NLK: variants seen among roughly 807,000 people sequenced by gnomAD.
The protein encoded by NLK is serine/threonine-protein kinase NLK.
A neutral mutation model predicts 59.0 loss-of-function variants in NLK; 11 were observed. The ratio of observed to expected loss-of-function variants is 0.19; its 90% confidence interval spans 0.12 to 0.31. The LOEUF is 0.31. NLK is among the 10% of genes least tolerant of loss of function. The pLI is 1.00. For synonymous variants in NLK, 235 were observed against 235.9 expected (o/e 1.00, Z 0.03); for missense variants, 410 against 661.1 (o/e 0.62, Z 4.16).
chr17:28,061,871 T>TAC (rs1909661760), intron 1 of NLK: 3 of 144,666 alleles, frequency 2.1e-5, no homozygotes, highest in South Asian at 4.2e-4. Context: ...TACATATACA[T>TAC]ATATATAATA....
chr17:28,199,707 A>G (rs1909580708), downstream of NLK, among the ~76,000 whole-genome samples: 4 of 103,168 alleles, frequency 3.9e-5, no homozygotes, highest in Admixed American at 3.9e-4. Flanking sequence ...AAAAAAAAAA[A>G]CAACTAGATA....
intron 7 of NLK, among the ~76,000 whole-genome samples, chr17:28,181,605 C>T (rs995059865): frequency 6.6e-6 from 1 of 151,440 alleles, no homozygotes; most frequent in Non-Finnish European, 1.5e-5. Flanking sequence ...AAATACTTCT[C>T]TTTTTATTAC....
intron 1 of NLK, among the ~76,000 whole-genome samples, chr17:28,118,528 G>A (rs756617642): frequency 6.6e-6 from 1 of 152,130 alleles, no homozygotes; most frequent in Non-Finnish European, 1.5e-5. Flanking sequence ...CATTTTAGTG[G>A]CTGAGAAAGT....
intron 3 of NLK, among the ~76,000 whole-genome samples, chr17:28,137,513 A>ATT (rs1464476673): frequency 4.6e-5 from 7 of 152,172 alleles, no homozygotes; most frequent in Admixed American, 3.3e-4. Context: ...ATAGACAAAC[A>ATT]TTTTAAACCA....
intron 1 of NLK, among the ~76,000 whole-genome samples, chr17:28,113,489 C>T (rs1369092165): frequency 6.6e-6 from 1 of 152,162 alleles, no homozygotes; most frequent in Non-Finnish European, 1.5e-5. Context: ...TTATTTATGC[C>T]TCCTCTTTTT....
At chr17:28,079,882 A>G (rs538963950) in intron 1 of NLK, among the ~76,000 whole-genome samples, 43 of 152,310 alleles carry the variant, frequency 2.8e-4, no homozygotes, top group South Asian at 6.2e-4. Flanking sequence ...TCCAAGAAAT[A>G]ATTGCCAAAT....
chr17:28,062,684 G>A (rs1017398308), intron 1 of NLK, among the ~76,000 whole-genome samples: 60 of 152,138 alleles, frequency 3.9e-4, no homozygotes, highest in African/African-American at 1.4e-3. Context: ...GGGTTCAAGC[G>A]ATTCTCCTGC....
At chr17:28,155,789 G>C (rs1268863753) in intron 3 of NLK, among the ~76,000 whole-genome samples, 4 of 151,984 alleles carry the variant, frequency 2.6e-5, no homozygotes, top group Non-Finnish European at 1.5e-5. Context: ...GGGGGGTGGA[G>C]GGCTGGGGGT....
intron 1 of NLK, among the ~76,000 whole-genome samples, chr17:28,100,381 A>G (rs930010919): frequency 6.6e-6 from 1 of 152,236 alleles, no homozygotes; most frequent in East Asian, 1.9e-4. Context: ...TTATTGGAAT[A>G]GAGAAACTTG....
chr17:28,045,152 T>G (rs1030514880), intron 1 of NLK, among the ~76,000 whole-genome samples: 1 of 152,210 alleles, frequency 6.6e-6, no homozygotes, highest in Non-Finnish European at 1.5e-5. Flanking sequence ...TTTAATTGAT[T>G]GACTGCTCTA....
intron 10 of NLK, 74 bp from the exon 11 acceptor site, chr17:28,194,508 A>T: frequency 9.4e-7 from 1 of 1,058,386 alleles, no homozygotes; most frequent in Non-Finnish European, 1.4e-6. Flanking sequence ...AAGAGAGGAA[A>T]ACAGGAAGTA....
chr17:28,193,014 G>T (rs749179667), intron 10 of NLK, among the ~76,000 whole-genome samples: 1 of 152,184 alleles, frequency 6.6e-6, no homozygotes, highest in Non-Finnish European at 1.5e-5. Flanking sequence ...TTGTCTGTCT[G>T]TCCTTTCCTT....
intron 3 of NLK, among the ~76,000 whole-genome samples, chr17:28,156,193 G>C (rs997922309): frequency 2.0e-5 from 3 of 152,026 alleles, no homozygotes; most frequent in Admixed American, 6.6e-5. Flanking sequence ...TATATAACTT[G>C]CGTACCTCAT....
Position 28,151,315 on chromosome 17 carries a change from G to C in NLK, c.645-9845G>C, listed in dbSNP as rs565929264. The stretch of plus-strand genomic sequence containing the variant: ...ACCGTATCATAAGGTGGTGTGTATT[G>C]CTTCTGAATTTTTGAAGCTGTATTG... On this transcript the variant is annotated intron_variant, in intron 3 of 10. Transcript: ENST00000407008. Among the ~76,000 whole-genome samples, 7 of 152,208 alleles carry C rather than the reference G, an allele frequency of 4.6e-5. No homozygotes were observed. In the South Asian group the frequency reaches 1.5e-3, roughly 32 times the overall value.
At chr17:28,063,333 G>A (rs1374743567) in intron 1 of NLK, among the ~76,000 whole-genome samples, 1 of 152,144 alleles carries the variant, frequency 6.6e-6, no homozygotes, top group Non-Finnish European at 1.5e-5. Flanking sequence ...AAACACTGTT[G>A]AGTACTCTCA....
At chr17:28,200,042 A>G (rs115026473), downstream of NLK, among the ~76,000 whole-genome samples, 517 of 152,300 alleles carry the variant, frequency 3.4e-3, 3 homozygotes, top group African/African-American at 0.012. Flanking sequence ...TCAGTTCTTT[A>G]TATATTCTGA....
chr17:28,094,181 T>C (rs1328808880), intron 1 of NLK, among the ~76,000 whole-genome samples: 2 of 152,228 alleles, frequency 1.3e-5, no homozygotes, highest in African/African-American at 2.4e-5. Flanking sequence ...AGAAAAGCTG[T>C]AATTCTTCAG....
At chr17:28,103,109 T>C (rs1240576413) in intron 1 of NLK, among the ~76,000 whole-genome samples, 1 of 152,092 alleles carries the variant, frequency 6.6e-6, no homozygotes, top group Non-Finnish European at 1.5e-5. Flanking sequence ...AATAAATAAA[T>C]AAATAAAAAT....
At chr17:28,175,206 G>T (rs1908627800) in intron 7 of NLK, among the ~76,000 whole-genome samples, 1 of 151,798 alleles carries the variant, frequency 6.6e-6, no homozygotes. Flanking sequence ...AGCACTTTGG[G>T]AGGCGGAGGC....
Sources: allele counts gnomAD v4.1 joint callset (sites outside exome capture counted in the v4.1 genomes callset), GRCh38; gene constraint gnomAD v4.1.1; transcripts MANE v1.5; gene names NCBI Gene and HGNC (gene_info 2026-07-23, HGNC 2026-07-21).